The following CWC25 variants were observed in gnomAD, a reference collection of about 807,000 sequenced individuals.
CWC25 encodes CWC25 spliceosome associated protein.
A neutral mutation model predicts 54.6 loss-of-function variants in CWC25; 31 were observed. The ratio of observed to expected loss-of-function variants is 0.57; its 90% CI spans 0.43 to 0.77. The LOEUF is 0.77. CWC25 is among the 30% of genes least tolerant of loss of function. The pLI is 0.00. For synonymous variants in CWC25, 151 were observed against 187.0 expected (o/e 0.81, Z 1.57); for missense variants, 453 against 529.3 (o/e 0.86, Z 1.41).
At chr17:38,809,421 C>A in intron 6 of CWC25, among the ~76,000 whole-genome samples, 1 of 113,754 alleles carries the variant, frequency 8.8e-6, no homozygotes, top group African/African-American at 2.9e-5. Flanking sequence ...AGCGAGACTC[C>A]GTCTCAAAAA....
At position 38,806,290 on chromosome 17, in the gene CWC25, G is replaced by T; in HGVS notation, c.1001+7C>A. On this transcript the variant is annotated splice_region_variant and intron_variant, in intron 8 of 9. Transcript: ENST00000614790. ...AATGTGGTTAATCAACTGGGCTCCT[G>T]ACTCACCTGGTGTATCCGGGAGCAT... The T allele has an allele frequency of 6.2e-7, 1 of 1,606,914 alleles. No homozygotes were observed. Among genetic ancestry groups the T allele is most frequent in the South Asian group, 1.1e-5 (1 of 89,798 alleles).
At chr17:38,817,827 G>A (rs944790591) in intron 2 of CWC25, among the ~76,000 whole-genome samples, 13 of 151,436 alleles carry the variant, frequency 8.6e-5, no homozygotes, top group Non-Finnish European at 1.6e-4. Flanking sequence ...TTAGCCAGGC[G>A]TGGTGGCACA....
chr17:38,823,916 C>A (rs1221180141), intron 1 of CWC25, among the ~76,000 whole-genome samples: 1 of 152,162 alleles, frequency 6.6e-6, no homozygotes, highest in Non-Finnish European at 1.5e-5. Context: ...ACAGGACAGC[C>A]CAACTACCAC....
intron 2 of CWC25, among the ~76,000 whole-genome samples, chr17:38,819,375 T>G (rs926710455): frequency 4.7e-5 from 7 of 148,728 alleles, no homozygotes; most frequent in Admixed American, 2.0e-4. Context: ...AATTTTTGGT[T>G]TTTTTTTTTT....
intron 2 of CWC25, among the ~76,000 whole-genome samples, chr17:38,816,743 G>A (rs1441712395): frequency 6.6e-6 from 1 of 151,044 alleles, no homozygotes; most frequent in Admixed American, 6.6e-5. Flanking sequence ...GGAGTGCAGT[G>A]GAGCGATCTT....
intron 1 of CWC25, 134 bp downstream of exon 1, chr17:38,825,032 T>C: frequency 1.3e-6 from 1 of 789,516 alleles, no homozygotes; most frequent in East Asian, 3.1e-5. Context: ...CCATCCCCTC[T>C]TCAGGGCAAC....
chr17:38,806,170 G>T, intron 8 of CWC25, 127 bp downstream of exon 8: 1 of 798,984 alleles, frequency 1.3e-6, no homozygotes, highest in Non-Finnish European at 2.1e-6. Flanking sequence ...GACCCTTACA[G>T]GTTGGCAAGA....
intron 2 of CWC25, among the ~76,000 whole-genome samples, chr17:38,816,926 C>A (rs956301163): frequency 2.6e-5 from 4 of 151,406 alleles, no homozygotes; most frequent in Admixed American, 6.6e-5. Context: ...CCGTGATCTG[C>A]CAGCCTTGGC....
At chr17:38,810,311 C>A (rs1427062463) in intron 5 of CWC25, 157 bp downstream of exon 5, 3 of 728,658 alleles carry the variant, frequency 4.1e-6, no homozygotes, top group Non-Finnish European at 6.5e-6. Flanking sequence ...CATTAGATGG[C>A]AAGCTCTGTG....
chr17:38,809,288 C>G (rs7212698), intron 6 of CWC25, among the ~76,000 whole-genome samples: 88,679 of 151,108 alleles, frequency 0.59, 28,290 homozygotes, highest in Middle Eastern at 0.73. Flanking sequence ...ATTAGTCGGG[C>G]GTGGTGGTGG....
rs1161594313 is a variant in CWC25 at position 38,801,375 on chromosome 17, A to G, written c.*717T>C. ...GGCTCCTCCTAAACCAGCCAGATTCAGAGAGAAAAACGAGCTGGCCTGCCT... is the reference window on the plus strand; with the variant it reads ...GGCTCCTCCTAAACCAGCCAGATTCGGAGAGAAAAACGAGCTGGCCTGCCT... On this transcript the variant is annotated 3_prime_UTR_variant, in exon 10 of 10. Coordinates refer to ENST00000614790, the MANE Select transcript of CWC25 (RefSeq NM_017748.5). 1.3e-5 allele frequency: 2 copies of G among 152,226 alleles called. No individual in the cohort carries two copies. The highest frequency in any genetic ancestry group is 1.9e-4 in the East Asian group (1 of 5,204). 9.4% of individuals were successfully genotyped at this position (152,226 alleles called of 1,614,324 possible).
chr17:38,801,777 T>A lies in CWC25; in HGVS notation c.*315A>T. The A allele has an allele frequency of 4.2e-6, 1 of 238,514 alleles. No individual in the cohort carries two copies. Among genetic ancestry groups the A allele is most frequent in the Non-Finnish European group, 8.1e-6 (1 of 123,610 alleles). The allele number at this position is 238,514 out of a possible 1,614,324, so 14.8% of individuals were successfully genotyped here. On this transcript the variant is annotated 3_prime_UTR_variant, in exon 10 of 10. Coordinates refer to ENST00000614790, the MANE Select transcript of CWC25 (RefSeq NM_017748.5). Reference sequence around the variant, plus strand: ...AGTGAAATAGGTCTGTTGGCACAGGTAAGAAGGAAGTGGCATGATAAACAT... The same window carrying A: ...AGTGAAATAGGTCTGTTGGCACAGGAAAGAAGGAAGTGGCATGATAAACAT...
intron 2 of CWC25, 80 bp downstream of exon 2, chr17:38,820,821 A>G: frequency 2.0e-6 from 3 of 1,480,760 alleles, no homozygotes; most frequent in Non-Finnish European, 2.7e-6. Flanking sequence ...GCACTCAGCC[A>G]TTATACAACA....
intron 1 of CWC25, among the ~76,000 whole-genome samples, chr17:38,821,419 G>A (rs1043764497): frequency 1.3e-5 from 2 of 152,306 alleles, no homozygotes; most frequent in South Asian, 2.1e-4. Flanking sequence ...TTAGCTGGGC[G>A]TGGTGGCAGG....
chr17:38,818,650 A>G (rs1436452713), intron 2 of CWC25, among the ~76,000 whole-genome samples: 1 of 151,640 alleles, frequency 6.6e-6, no homozygotes, highest in Non-Finnish European at 1.5e-5. Flanking sequence ...TACTTAAGTC[A>G]TCTAAATACA....
intron 8 of CWC25, among the ~76,000 whole-genome samples, chr17:38,804,962 C>T (rs1473432496): frequency 1.3e-5 from 2 of 151,990 alleles, no homozygotes; most frequent in African/African-American, 2.4e-5. Context: ...CAAAAATTAG[C>T]TGGGTGTGGT....
intron 3 of CWC25, among the ~76,000 whole-genome samples, 160 bp downstream of exon 3, chr17:38,814,701 G>A (rs543999015): frequency 2.0e-4 from 28 of 137,830 alleles, no homozygotes; most frequent in African/African-American, 6.7e-4. Flanking sequence ...AGCAGAGATC[G>A]CGCCACTGCA....
intron 4 of CWC25, 76 bp downstream of exon 4, chr17:38,812,719 T>C (rs1598073077): frequency 3.6e-6 from 3 of 837,992 alleles, no homozygotes; most frequent in Non-Finnish European, 5.8e-6. Flanking sequence ...CCTGGTAAGC[T>C]GAGAGTAAAT....
intron 2 of CWC25, among the ~76,000 whole-genome samples, chr17:38,817,200 C>T (rs1227509807): frequency 1.3e-5 from 2 of 149,850 alleles, no homozygotes; most frequent in Non-Finnish European, 3.0e-5. Flanking sequence ...ACTAGCCAGG[C>T]GTGGTGGTAC....
Sources: allele counts gnomAD v4.1 joint callset (sites outside exome capture counted in the v4.1 genomes callset), GRCh38; gene constraint gnomAD v4.1.1; transcripts MANE v1.5; gene names NCBI Gene and HGNC (gene_info 2026-07-23, HGNC 2026-07-21).